Variants in ATP12A observed in about 807,000 individuals in gnomAD.
The protein encoded by ATP12A is ATPase H+/K+ transporting non-gastric alpha2 subunit.
ATP12A carries 81 observed loss-of-function variants against 111.2 expected under a neutral mutation model. The observed-to-expected ratio is 0.73, with a 90% CI of 0.61 to 0.88. ATP12A has a LOEUF of 0.88. Among genes scored for constraint, ATP12A ranks in the 40% least tolerant of loss-of-function variants. The pLI is 0.00. For missense variants in ATP12A, 1,196 were observed against 1,313.1 expected, an observed-to-expected ratio of 0.91 and a Z score of 1.38; for synonymous variants, 498 against 499.8, an observed-to-expected ratio of 1.00 and a Z score of 0.05.
At chr13:24,682,824 T>G (rs1336539704) in intron 2 of ATP12A, among the ~76,000 whole-genome samples, 2 of 152,136 alleles carry the variant, frequency 1.3e-5, no homozygotes, top group African/African-American at 2.4e-5. Flanking sequence ...ATTTCCTTTA[T>G]GTAAAATGGG....
chr13:24,680,603 GCGC>G lies in ATP12A; in HGVS notation c.-132_-130del. 1 of 1,026,448 alleles carries G rather than the reference GCGC, an allele frequency of 9.7e-7. No homozygotes were observed. Among genetic ancestry groups the G allele is most frequent in the East Asian group, 3.2e-5 (1 of 30,958 alleles). The allele number at this position is 1,026,448 out of a possible 1,614,324, so 63.6% of individuals were successfully genotyped here. On this transcript the variant is annotated 5_prime_UTR_variant, in exon 1 of 23. Coordinates refer to ENST00000381946, the MANE Select transcript of ATP12A (RefSeq NM_001676.7). The stretch of plus-strand genomic sequence containing the variant: ...GGCCGCGGAGGTGCGTGCAGGGCCC[GCGC>G]CGCCGCCGGTATCTCCACCGCCAAC...
chr13:24,690,201 A>C (rs1176996846), intron 5 of ATP12A, 137 bp from the exon 6 acceptor site: 14 of 1,355,072 alleles, frequency 1.0e-5, no homozygotes, highest in Non-Finnish European at 1.4e-5. Context: ...TGCAGGCTGC[A>C]TAACAGCATG....
At chr13:24,692,037 G>A (rs1292420567) in intron 8 of ATP12A, among the ~76,000 whole-genome samples, 1 of 152,146 alleles carries the variant, frequency 6.6e-6, no homozygotes, top group African/African-American at 2.4e-5. Context: ...CAACAAGTGT[G>A]TCCTTTGGGA....
chr13:24,708,961 G>A (rs1333398938), intron 17 of ATP12A, among the ~76,000 whole-genome samples: 1 of 118,200 alleles, frequency 8.5e-6, no homozygotes, highest in Non-Finnish European at 1.9e-5. Flanking sequence ...AAGAAAGAAA[G>A]AAGGAAAGAG....
chr13:24,699,768 A>T (rs1327726008), intron 12 of ATP12A, among the ~76,000 whole-genome samples: 1 of 152,132 alleles, frequency 6.6e-6, no homozygotes, highest in Non-Finnish European at 1.5e-5. Flanking sequence ...GGGCTGGCGG[A>T]ATGGTGCCCC....
chr13:24,691,272 G>C (rs1874893040), intron 8 of ATP12A, 22 bp downstream of exon 8: 1 of 1,594,392 alleles, frequency 6.3e-7, no homozygotes, highest in Middle Eastern at 1.8e-4. Flanking sequence ...CTGTTAGACA[G>C]CCTGCACCTG....
rs761881122 is a variant in ATP12A, at chr13:24,681,591, C to A, written c.39C>A (p.Leu13=). 5 of 1,614,116 alleles carry A rather than the reference C, an allele frequency of 3.1e-6. No homozygotes were observed. Reference sequence around the variant, plus strand: ...CCCCAGAAATTTACTCCGTGGAGCTCAGCGGAACTAAGGACATCGTGAAAA... The same window carrying A: ...CCCCAGAAATTTACTCCGTGGAGCTAAGCGGAACTAAGGACATCGTGAAAA... ...QKTPEIYSVE[L]SGTKDIVKTD... The change falls in exon 2 of 23, where the codon CTC becomes CTA. Residue 13 remains leucine, a synonymous_variant. Coordinates refer to ENST00000381946, the MANE Select transcript of ATP12A (RefSeq NM_001676.7).
chr13:24,708,705 T>A (rs1875772569), intron 17 of ATP12A, among the ~76,000 whole-genome samples: 1 of 151,814 alleles, frequency 6.6e-6, no homozygotes, highest in Non-Finnish European at 1.5e-5. Context: ...AGAGACCTAG[T>A]CTCTTAAAAA....
intron 5 of ATP12A, 39 bp downstream of exon 5, chr13:24,689,414 C>G (rs762896433): frequency 5.1e-6 from 8 of 1,565,154 alleles, no homozygotes; most frequent in Non-Finnish European, 7.0e-6. Flanking sequence ...TCTGGTGACT[C>G]CCAGGTGAGG....
intron 1 of ATP12A, 65 bp downstream of exon 1, chr13:24,680,817 C>A: frequency 7.0e-7 from 1 of 1,434,576 alleles, no homozygotes; most frequent in Non-Finnish European, 9.1e-7. Flanking sequence ...GGGACCGGAG[C>A]AGGCTGACGG....
chr13:24,709,296 C>T lies in ATP12A; in HGVS notation c.2494-68C>T, dbSNP rs1875850567. 4.5e-6 allele frequency: 5 copies of T among 1,103,664 alleles called. No homozygotes were observed. In the South Asian group the frequency reaches 9.8e-5, roughly 22 times the overall value. 68.4% of individuals were successfully genotyped at this position (1,103,664 alleles called of 1,614,324 possible). On this transcript the variant is annotated intron_variant, in intron 17 of 22. Transcript: ENST00000381946. The stretch of plus-strand genomic sequence containing the variant: ...CAGCCAGTGCCCCACCCACCCCAGC[C>T]CCCCTCCCCTACTGTGGGTAGAGCA...
intron 2 of ATP12A, among the ~76,000 whole-genome samples, chr13:24,682,545 G>T (rs746334637): frequency 2.4e-4 from 36 of 152,154 alleles, no homozygotes; most frequent in Admixed American, 6.5e-4. Context: ...GGCATGGCCA[G>T]ACCTCTCTCC....
At chr13:24,691,633 T>G (rs1474597836) in intron 8 of ATP12A, among the ~76,000 whole-genome samples, 2 of 126,716 alleles carry the variant, frequency 1.6e-5, no homozygotes, top group African/African-American at 3.2e-5. Flanking sequence ...CTTACCTCTC[T>G]TACGAAAAAA....
At chr13:24,681,950 TGTATGTGTGGTGTGTG>T (rs1378845415) in intron 2 of ATP12A, among the ~76,000 whole-genome samples, 5,498 of 130,938 alleles carry the variant, frequency 0.042, 194 homozygotes, top group African/African-American at 0.072. Flanking sequence ...GGTGTGTGTG[TGTATGTGTGGTGTGTG>T]GTGTATGGTG....
At chr13:24,696,844 C>T (rs976527705) in intron 11 of ATP12A, among the ~76,000 whole-genome samples, 19 of 151,676 alleles carry the variant, frequency 1.3e-4, no homozygotes, top group Admixed American at 5.9e-4. Flanking sequence ...GAGCGGTGCT[C>T]AGCCTCACCA....
intron 13 of ATP12A, among the ~76,000 whole-genome samples, chr13:24,701,317 G>A (rs1875383174): frequency 6.6e-6 from 1 of 151,918 alleles, no homozygotes; most frequent in African/African-American, 2.4e-5. Flanking sequence ...TGGCCAACAT[G>A]GTGAAACCCC....
At chr13:24,710,960 A>G in intron 21 of ATP12A, 67 bp downstream of exon 21, 1 of 1,396,294 alleles carries the variant, frequency 7.2e-7, no homozygotes, top group Non-Finnish European at 1.0e-6. Flanking sequence ...CAGCCTAAAT[A>G]AACCTGAGGA....
At chr13:24,710,318 T>C in intron 19 of ATP12A, 142 bp from the exon 20 acceptor site, 2 of 1,028,648 alleles carry the variant, frequency 1.9e-6, no homozygotes, top group East Asian at 5.1e-5. Context: ...AGAAAAATGT[T>C]TCTTTCCAAA....
intron 15 of ATP12A, among the ~76,000 whole-genome samples, chr13:24,706,707 G>A (rs11619373): frequency 0.089 from 13,614 of 152,208 alleles, 779 homozygotes; most frequent in Non-Finnish European, 0.13. Context: ...ATGAGAGCCC[G>A]GTGAAGCATT....
Sources: gnomAD v4.1 joint callset for allele counts (sites outside exome capture counted in the v4.1 genomes callset) on GRCh38, gnomAD v4.1.1 for gene constraint, MANE v1.5 for transcripts, NCBI Gene and HGNC (gene_info 2026-07-23, HGNC 2026-07-21) for gene names.